The following MZT2B variants were observed in gnomAD, a reference collection of about 807,000 sequenced individuals.
MZT2B encodes mitotic spindle organizing protein 2B.
A neutral mutation model predicts 12.1 loss-of-function variants in MZT2B; 11 were observed. That is an observed-to-expected ratio of 0.91 (90% CI 0.57 to 1.50). MZT2B has a LOEUF of 1.50. MZT2B is among the 40% of genes most tolerant of loss of function. MZT2B has a pLI of 0.00. For missense variants in MZT2B, 209 were observed against 227.7 expected, an observed-to-expected ratio of 0.92 and a Z score of 0.53; for synonymous variants, 85 against 109.5, an observed-to-expected ratio of 0.78 and a Z score of 1.40.
downstream of MZT2B, chr2:130,191,804 C>G: frequency 1.3e-6 from 2 of 1,586,112 alleles, no homozygotes; most frequent in South Asian, 2.3e-5. Context: ...CTAGGGGTGG[C>G]AGGGGAGAAC....
chr2:130,192,959 T>G (rs889835212), downstream of MZT2B, among the ~76,000 whole-genome samples: 18 of 152,164 alleles, frequency 1.2e-4, no homozygotes, highest in African/African-American at 4.1e-4. Context: ...CCAGGCGTGG[T>G]GGCAGGTGCC....
chr2:130,186,066 C>A (rs1690048875), intron 2 of MZT2B, among the ~76,000 whole-genome samples: 1 of 151,984 alleles, frequency 6.6e-6, no homozygotes, highest in African/African-American at 2.4e-5. Flanking sequence ...TCTCTGAGGC[C>A]CACATGTTAC....
At chr2:130,184,520 G>T in intron 2 of MZT2B, 1 of 985,432 alleles carries the variant, frequency 1.0e-6, no homozygotes, top group Non-Finnish European at 1.2e-6. Flanking sequence ...CAGGGGCTCA[G>T]AGCCAGGGTC....
At chr2:130,182,036 G>A (rs1689699870), upstream of MZT2B, 2 of 1,347,592 alleles carry the variant, frequency 1.5e-6, no homozygotes, top group Admixed American at 3.1e-5. Context: ...GGCCCAGATC[G>A]CCAAGCAGCG....
chr2:130,194,035 C>A (rs1690339245), downstream of MZT2B: 18 of 1,614,142 alleles, frequency 1.1e-5, no homozygotes, highest in Non-Finnish European at 1.5e-5. Flanking sequence ...CGTAGGTGGC[C>A]AGGGGGAAGT....
intron 2 of MZT2B, among the ~76,000 whole-genome samples, chr2:130,186,316 G>A (rs1369436876): frequency 1.3e-5 from 2 of 152,084 alleles, no homozygotes; most frequent in Admixed American, 6.6e-5. Context: ...CAGCCTGTGG[G>A]GACAACCACC....
downstream of MZT2B, chr2:130,191,892 T>C (rs149095256): frequency 7.3e-5 from 117 of 1,613,658 alleles, no homozygotes; most frequent in Admixed American, 1.5e-4. Context: ...CTCTTCACAA[T>C]CCTTCTCTAG....
chr2:130,197,921 T>G, the MZT2B span, among the ~76,000 whole-genome samples: 2 of 124,660 alleles, frequency 1.6e-5, 1 homozygote, highest in Non-Finnish European at 3.6e-5. Flanking sequence ...CGGTTGCCTT[T>G]AGGTGAACAA....
chr2:130,191,861 T>C (rs756344999), downstream of MZT2B: 2 of 1,611,944 alleles, frequency 1.2e-6, no homozygotes, highest in East Asian at 4.5e-5. Context: ...CAGCCTCAGC[T>C]TCCACGGAAT....
At chr2:130,190,293 T>C (rs1179015586) in intron 2 of MZT2B, among the ~76,000 whole-genome samples, 176 bp from the exon 3 acceptor site, 1 of 152,208 alleles carries the variant, frequency 6.6e-6, no homozygotes, top group Non-Finnish European at 1.5e-5. Context: ...TTCTGGGGCG[T>C]GACCTGTCTT....
chr2:130,200,696 G>A, the MZT2B span, among the ~76,000 whole-genome samples: 2 of 152,240 alleles, frequency 1.3e-5, no homozygotes, highest in Admixed American at 1.3e-4. Context: ...CCCGGGAAGA[G>A]CAGAGTCAGG....
At chr2:130,184,803 C>G in intron 2 of MZT2B, 2 of 985,420 alleles carry the variant, frequency 2.0e-6, no homozygotes, top group South Asian at 4.7e-5. Flanking sequence ...AGGCCTAGCT[C>G]TCAGGGCAGA....
At chr2:130,204,212 A>T in the MZT2B span, 1 of 1,216,536 alleles carries the variant, frequency 8.2e-7, no homozygotes, top group South Asian at 1.3e-5. Flanking sequence ...CAAGCCAAAG[A>T]ACTGAAAGAT....
At chr2:130,190,749 T>G (rs545633491), downstream of MZT2B, 476 of 1,400,558 alleles carry the variant, frequency 3.4e-4, 5 homozygotes, top group Non-Finnish European at 4.1e-4. Flanking sequence ...CCGTTTTTTT[T>G]TTTTGTTTTT....
the MZT2B span, chr2:130,202,362 C>T: frequency 7.7e-7 from 1 of 1,290,518 alleles, no homozygotes; most frequent in Non-Finnish European, 1.0e-6. Flanking sequence ...GGCGCCTCGA[C>T]AAGATTTCAC....
At position 130,190,533 on chromosome 2, in the gene MZT2B, A is replaced by G. The variant is rs705091; in HGVS notation, c.384A>G (p.Glu128=). The G allele has an allele frequency of 3.1e-6, 5 of 1,613,776 alleles. No individual in the cohort carries two copies. The Admixed American group carries it at 5.0e-5, about 16-fold the overall frequency. ...CCCTGGCGGAACGCAGCAGCCGCGAAGGATCCAGCCAGAGGATGCCACGCC... is the reference window on the plus strand; with the variant it reads ...CCCTGGCGGAACGCAGCAGCCGCGAGGGATCCAGCCAGAGGATGCCACGCC... ...ALALAERSSR[E]GSSQRMPRQP... The change falls in exon 3 of 3, where the codon GAA becomes GAG. Residue 128 remains glutamate, a synonymous_variant. Coordinates refer to ENST00000281871, the MANE Select transcript of MZT2B (RefSeq NM_025029.5).
intron 2 of MZT2B, chr2:130,184,981 A>G: frequency 1.4e-6 from 1 of 698,024 alleles, no homozygotes; most frequent in Non-Finnish European, 1.8e-6. Flanking sequence ...CCTGGGCAAC[A>G]TAGCAAGACC....
chr2:130,186,915 CAAAA>C (rs1027639461), intron 2 of MZT2B, among the ~76,000 whole-genome samples: 1 of 142,096 alleles, frequency 7.0e-6, no homozygotes, highest in African/African-American at 2.6e-5. Context: ...CAAAAATAAA[CAAAA>C]AACCCCAAAG....
the MZT2B span, chr2:130,202,536 C>G: frequency 3.1e-5 from 35 of 1,121,996 alleles, no homozygotes; most frequent in Non-Finnish European, 4.1e-5. Context: ...CCTTGGGACT[C>G]CCACTCATGG....
Sources: allele counts gnomAD v4.1 joint callset (sites outside exome capture counted in the v4.1 genomes callset), GRCh38; gene constraint gnomAD v4.1.1; transcripts MANE v1.5; gene names NCBI Gene and HGNC (gene_info 2026-07-23, HGNC 2026-07-21).